The following DUOX2 variants were observed in gnomAD, a reference collection of about 807,000 sequenced individuals.
DUOX2 encodes the protein dual oxidase 2.
A neutral mutation model predicts 183.3 loss-of-function variants in DUOX2; 185 were observed. The ratio of observed to expected loss-of-function variants is 1.01; its 90% CI spans 0.90 to 1.14. DUOX2 has a LOEUF of 1.14. Among genes scored for constraint, DUOX2 ranks in the 50% most tolerant of loss-of-function variants. The pLI is 0.00. For synonymous variants in DUOX2, 788 were observed against 812.4 expected (o/e 0.97, Z 0.51); for missense variants, 1,999 against 2,022.9 (o/e 0.99, Z 0.23).
At chr15:45,101,036 C>G (rs750398325) in intron 22 of DUOX2, 169 bp downstream of exon 22, 91 of 722,958 alleles carry the variant, frequency 1.3e-4, no homozygotes, top group Non-Finnish European at 2.1e-4. Context: ...AGCCAAGCAT[C>G]CGAGCAGCAT....
In DUOX2 at chr15:45,111,367, C is replaced by T; in HGVS notation, c.715+17G>A. On this transcript the variant is annotated intron_variant, in intron 6 of 33. Coordinates refer to ENST00000389039, the MANE Select transcript of DUOX2 (RefSeq NM_001363711.2). ...CGCAGACCCCCAGCCGGCCCCGTCC[C>T]GCCCCTGTGGCCTCACCGTACAGCC... The T allele has an allele frequency of 1.4e-6, 2 of 1,433,092 alleles. No homozygotes were observed. Among genetic ancestry groups the T allele is most frequent in the East Asian group, 5.0e-5 (2 of 39,874 alleles). The allele number at this position is 1,433,092 out of a possible 1,614,324, so 88.8% of individuals were successfully genotyped here.
chr15:45,093,636 T>A lies in DUOX2; in HGVS notation c.*514A>T, dbSNP rs1280233827. 5.7e-6 allele frequency: 1 copy of A among 174,236 alleles called. No homozygotes were observed. The highest frequency in any genetic ancestry group is 1.2e-5 in the Non-Finnish European group (1 of 80,638). 10.8% of individuals were successfully genotyped at this position (174,236 alleles called of 1,614,324 possible). ...TCTCAGCCAGAGGATCCCAGCCTCC[T>A]CCTCCCTCAAATGTCAGTCCAAGCA... On this transcript the variant is annotated 3_prime_UTR_variant, in exon 34 of 34. Coordinates refer to ENST00000389039, the MANE Select transcript of DUOX2 (RefSeq NM_001363711.2).
In DUOX2 at chr15:45,094,683, G is replaced by A. The variant is rs149535976; in HGVS notation, c.4404C>T (p.Cys1468=). 24 of 1,613,886 alleles carry A rather than the reference G, an allele frequency of 1.5e-5. No individual in the cohort carries two copies. The highest frequency in any genetic ancestry group is 1.3e-4 in the African/African-American group (10 of 74,904). Residue 1468 remains cysteine (C), a synonymous_variant, in exon 33 of 34, where the codon TGC becomes TGT. Coordinates refer to ENST00000389039, the MANE Select transcript of DUOX2 (RefSeq NM_001363711.2). ...TCAGCACTTTCTGGAAGTGCCGCTC[G>A]CAGATGTACTGGGGGCACAGGGGCA... ...FDLRTTMLYI[C]ERHFQKVLNR... is the part of the protein sequence containing the mutation.
At position 45,111,406 on chromosome 15, in the gene DUOX2, C is replaced by T. The variant is rs1446266232; in HGVS notation, c.693G>A (p.Gln231=). The T allele has an allele frequency of 4.7e-6, 7 of 1,478,480 alleles. No individual in the cohort carries two copies. Among genetic ancestry groups the T allele is most frequent in the Non-Finnish European group, 6.3e-6 (7 of 1,116,472 alleles). 91.6% of individuals were successfully genotyped at this position (1,478,480 alleles called of 1,614,324 possible). The change falls in exon 6 of 34, where the codon CAG becomes CAA. Residue 231 remains glutamine (Q), a synonymous_variant. Transcript: ENST00000389039. ...MWAAPDPATG[Q]NGPRGLYAFG... is the part of the protein sequence containing the mutation. ...CACCGTACAGCCCCCGGGGCCCGTTCTGCCCGGTGGCGGGGTCGGGCGCCG... is the reference window on the plus strand; with the variant it reads ...CACCGTACAGCCCCCGGGGCCCGTTTTGCCCGGTGGCGGGGTCGGGCGCCG...
In DUOX2 at chr15:45,097,887, G is replaced by A. The variant is rs541621889; in HGVS notation, c.3565+122C>T. The A allele has an allele frequency of 5.1e-4, 785 of 1,546,858 alleles. 11 individuals are homozygous for A. In the South Asian group the frequency reaches 8.0e-3, roughly 16 times the overall value. On this transcript the variant is annotated intron_variant, in intron 27 of 33. Transcript: ENST00000389039. ...AAGCCTGCCTGGAGGGATTTGAGCTGGGGCTTGTCCTGAAGGCTAGAAACA... is the reference window on the plus strand; with the variant it reads ...AAGCCTGCCTGGAGGGATTTGAGCTAGGGCTTGTCCTGAAGGCTAGAAACA...
chr15:45,109,477 A>G (rs768441082), intron 11 of DUOX2, 47 bp downstream of exon 11: 2 of 1,570,384 alleles, frequency 1.3e-6, no homozygotes, highest in Admixed American at 3.3e-5. Flanking sequence ...AGGGATCCTC[A>G]GGCTTCCTGG....
At chr15:45,094,716 C>A in intron 32 of DUOX2, 25 bp from the exon 33 acceptor site, 2 of 1,613,262 alleles carry the variant, frequency 1.2e-6, no homozygotes, top group Non-Finnish European at 1.7e-6. Context: ...GCAGGTCAGA[C>A]CAAAGACAGT....
At chr15:45,105,126 C>T (rs568033446) in intron 18 of DUOX2, among the ~76,000 whole-genome samples, 1 of 152,336 alleles carries the variant, frequency 6.6e-6, no homozygotes, top group East Asian at 1.9e-4. Context: ...TGGCCACAAC[C>T]GTTTGTTAAA....
chr15:45,106,000 AG>A (rs1894202675), intron 17 of DUOX2, 124 bp downstream of exon 17: 1 of 1,393,666 alleles, frequency 7.2e-7, no homozygotes, highest in African/African-American at 1.4e-5. Context: ...GGCCTCTGAA[AG>A]GAGCCCCTCT....
intron 5 of DUOX2, 60 bp downstream of exon 5, chr15:45,111,708 C>T (rs1482770354): frequency 8.2e-6 from 12 of 1,471,786 alleles, no homozygotes; most frequent in Non-Finnish European, 1.1e-5. Context: ...CTGCCAGGCC[C>T]GAAGCCCAGG....
chr15:45,100,518 G>A (rs1019220385), intron 23 of DUOX2: 6 of 611,268 alleles, frequency 9.8e-6, no homozygotes, highest in Non-Finnish European at 1.7e-5. Flanking sequence ...GCAGGCAGGA[G>A]CCAGGAGACC....
chr15:45,110,283 C>G, intron 9 of DUOX2, 145 bp downstream of exon 9: 1 of 762,152 alleles, frequency 1.3e-6, no homozygotes, highest in East Asian at 2.7e-5. Flanking sequence ...CACATCTTAC[C>G]CCAGGGTTCT....
chr15:45,101,278 G>C lies in DUOX2; in HGVS notation c.2852-4C>G. On this transcript the variant is annotated splice_polypyrimidine_tract_variant and splice_region_variant and intron_variant, in intron 21 of 33. Coordinates refer to ENST00000389039, the MANE Select transcript of DUOX2 (RefSeq NM_001363711.2). ...TGTTTAAAGATATCTCTAATACCTA[G>C]AGAAAAGAACAAGAGGCAGGACTGG... is the stretch of plus-strand genomic sequence containing the variant. The C allele has an allele frequency of 6.2e-7, 1 of 1,612,320 alleles. No homozygotes were observed. The highest frequency in any genetic ancestry group is 1.1e-5 in the South Asian group (1 of 90,738).
intron 20 of DUOX2, among the ~76,000 whole-genome samples, 162 bp from the exon 21 acceptor site, chr15:45,102,151 TG>T (rs1380274070): frequency 6.6e-6 from 1 of 152,092 alleles, no homozygotes; most frequent in Non-Finnish European, 1.5e-5. Flanking sequence ...CTAAGCTGGG[TG>T]GGGTAGCCAT....
At chr15:45,108,310 G>T in intron 12 of DUOX2, 88 bp from the exon 13 acceptor site, 36 of 1,490,372 alleles carry the variant, frequency 2.4e-5, no homozygotes, top group Non-Finnish European at 3.3e-5. Flanking sequence ...CAGAACCTCA[G>T]CCGCTGCCTG....
At chr15:45,109,865 C>CCCCTGA (rs772380657) in intron 10 of DUOX2, 25 bp downstream of exon 10, 17 of 1,609,144 alleles carry the variant, frequency 1.1e-5, no homozygotes, top group African/African-American at 1.3e-5. Flanking sequence ...GACCCATCTT[C>CCCCTGA]CCCTGACCCT....
At chr15:45,110,919 A>C (rs1352554001) in intron 7 of DUOX2, among the ~76,000 whole-genome samples, 192 bp downstream of exon 7, 1 of 150,582 alleles carries the variant, frequency 6.6e-6, no homozygotes, top group Non-Finnish European at 1.5e-5. Flanking sequence ...ATAAATAATC[A>C]TCACCAGCCA....
chr15:45,100,702 C>A, intron 23 of DUOX2, 53 bp downstream of exon 23: 1 of 1,506,066 alleles, frequency 6.6e-7, no homozygotes, highest in South Asian at 1.1e-5. Context: ...GCCTAGGGAC[C>A]CTAAGACTTC....
In DUOX2 at chr15:45,113,320, G is replaced by A. The variant is rs1213057241; in HGVS notation, c.70+22C>T. ...CAGGGATCCTGGGGAACACCCCGCC[G>A]CTAGAGGAGCCTGATACTTGCCCGA... On this transcript the variant is annotated intron_variant, in intron 2 of 33. Coordinates refer to ENST00000389039, the MANE Select transcript of DUOX2 (RefSeq NM_001363711.2). 2.4e-5 allele frequency: 37 copies of A among 1,554,360 alleles called. No homozygotes were observed. The highest frequency in any genetic ancestry group is 3.9e-5 in the Admixed American group (2 of 51,542).
Sources: allele counts gnomAD v4.1 joint callset (sites outside exome capture counted in the v4.1 genomes callset), GRCh38; gene constraint gnomAD v4.1.1; transcripts MANE v1.5; gene names NCBI Gene and HGNC (gene_info 2026-07-23, HGNC 2026-07-21).